The following APC variants were observed in gnomAD, a reference collection of about 807,000 sequenced individuals.
APC encodes the protein APC regulator of Wnt signaling pathway.
A neutral mutation model predicts 247.0 loss-of-function variants in APC; 72 were observed. That is an observed-to-expected ratio of 0.29 (90% CI 0.24 to 0.35). APC has a LOEUF of 0.35. APC is among the 10% of genes least tolerant of loss of function. The probability of loss-of-function intolerance (pLI) is 1.00; values close to 1 mark genes in which losing one functional copy is unlikely to be tolerated. For missense variants in APC, 3,400 were observed against 3,360.7 expected (o/e 1.01, Z -0.29); for synonymous variants, 1,254 against 1,162.5 (o/e 1.08, Z -1.60).
chr5:112,775,513 T>C, intron 4 of APC, 116 bp from the exon 5 acceptor site: 1 of 605,050 alleles, frequency 1.7e-6, no homozygotes, highest in Non-Finnish European at 2.9e-6. Flanking sequence ...TTTGAGTAAT[T>C]CATTATTAGC....
chr5:112,762,100 A>G (rs1294982394), intron 2 of APC, among the ~76,000 whole-genome samples: 1 of 152,224 alleles, frequency 6.6e-6, no homozygotes, highest in Non-Finnish European at 1.5e-5. Context: ...ACTTGAAAAG[A>G]CAATTCAAAA....
chr5:112,751,538 T>C (rs1561439683), intron 1 of APC, among the ~76,000 whole-genome samples: 3 of 151,990 alleles, frequency 2.0e-5, no homozygotes, highest in Admixed American at 1.3e-4. Context: ...TTTGGACTCT[T>C]TTTGTAGTTT....
At chr5:112,757,127 A>G (rs1192014496) in intron 2 of APC, among the ~76,000 whole-genome samples, 2 of 152,196 alleles carry the variant, frequency 1.3e-5, no homozygotes, top group African/African-American at 2.4e-5. Flanking sequence ...ATGTGCTTCA[A>G]CAGACATCTT....
intron 8 of APC, among the ~76,000 whole-genome samples, chr5:112,803,932 C>T (rs2149720583): frequency 6.6e-6 from 1 of 152,194 alleles, no homozygotes; most frequent in East Asian, 1.9e-4. Context: ...GGCTACTCAC[C>T]TCCCATATAT....
chr5:112,749,164 T>C (rs1359544626), intron 1 of APC, among the ~76,000 whole-genome samples: 1 of 152,240 alleles, frequency 6.6e-6, no homozygotes. Flanking sequence ...TTTGTTCTGC[T>C]GTAGTTTCTT....
At chr5:112,739,137 A>C (rs1009463987) in intron 1 of APC, among the ~76,000 whole-genome samples, 2 of 152,178 alleles carry the variant, frequency 1.3e-5, no homozygotes, top group African/African-American at 2.4e-5. Flanking sequence ...TCAGTGTGCA[A>C]ATATTTTAAA....
At chr5:112,830,114 C>T (rs1285287098) in intron 14 of APC, among the ~76,000 whole-genome samples, 1 of 151,944 alleles carries the variant, frequency 6.6e-6, no homozygotes, top group Non-Finnish European at 1.5e-5. Context: ...TTTAGTTATG[C>T]ATTTTTGGTA....
In APC at chr5:112,838,886, T is replaced by C. The variant is rs1445917644; in HGVS notation, c.3292T>C (p.Cys1098Arg). The change falls in exon 16 of 16, where the codon TGT (cysteine) becomes CGT (arginine). Residue 1098 changes from cysteine to arginine, a missense_variant. Physicochemically the swap from Cys to Arg is radical, Grantham distance 180 (BLOSUM62 -3). Coordinates refer to ENST00000257430, the MANE Select transcript of APC (RefSeq NM_000038.6). ...CCAACCACATTTTGGACAGCAGGAA[T>C]GTGTTTCTCCATACAGGTCACGGGG... ...KFQPHFGQQE[C>R]VSPYRSRGAN... The C allele has an allele frequency of 4.3e-6, 7 of 1,614,042 alleles. No homozygotes were observed. In the South Asian group the frequency reaches 7.7e-5, roughly 18 times the overall value.
At position 112,819,074 on chromosome 5, in the gene APC, C is replaced by T. The variant is rs1314843920; in HGVS notation, c.1042C>T (p.Arg348Ter). 3 of 1,614,088 alleles carry T rather than the reference C, an allele frequency of 1.9e-6. No homozygotes were observed. Among genetic ancestry groups the T allele is most frequent in the Non-Finnish European group, 8.5e-7 (1 of 1,180,008 alleles). ...CTCCCAAGACAGCTGTATATCCATG[C>T]GACAGTCTGGATGTCTTCCTCTCCT... ...SSSQDSCISM[R>*]QSGCLPLLIQ... Residue 348 changes from arginine to a stop codon, truncating the protein, a stop_gained, in exon 10 of 16, where the codon CGA (arginine) becomes TGA (stop). Transcript: ENST00000257430. LOFTEE classifies it high-confidence loss of function.
At chr5:112,748,749 G>A (rs1297294886) in intron 1 of APC, among the ~76,000 whole-genome samples, 1 of 152,042 alleles carries the variant, frequency 6.6e-6, no homozygotes, top group Non-Finnish European at 1.5e-5. Context: ...AACCTGGGAG[G>A]TTACAGTGAG....
chr5:112,812,371 C>T (rs1347560673), intron 8 of APC, among the ~76,000 whole-genome samples: 1 of 152,136 alleles, frequency 6.6e-6, no homozygotes, highest in Non-Finnish European at 1.5e-5. Flanking sequence ...TAAAAAAGCC[C>T]CAACTATCCT....
intron 8 of APC, among the ~76,000 whole-genome samples, chr5:112,810,985 A>T (rs1042868627): frequency 2.0e-5 from 3 of 151,912 alleles, no homozygotes; most frequent in Non-Finnish European, 4.4e-5. Flanking sequence ...AGATCACGCC[A>T]CTGCACTCCA....
At chr5:112,804,903 C>T (rs1040579355) in intron 8 of APC, among the ~76,000 whole-genome samples, 1 of 151,912 alleles carries the variant, frequency 6.6e-6, no homozygotes, top group African/African-American at 2.4e-5. Context: ...ATCACTTGAG[C>T]CTGGGAGGTC....
Position 112,844,186 on chromosome 5 carries a change from T to G in APC, c.*60T>G. 2 of 1,466,210 alleles carry G rather than the reference T, an allele frequency of 1.4e-6. No homozygotes were observed. Among genetic ancestry groups the G allele is most frequent in the East Asian group, 2.3e-5 (1 of 42,850 alleles). 90.8% of individuals were successfully genotyped at this position (1,466,210 alleles called of 1,614,324 possible). On this transcript the variant is annotated 3_prime_UTR_variant, in exon 16 of 16. Transcript: ENST00000257430. ...TTAATTACAACTGCTATATAGACAT[T>G]TTGTTTCAAATGAAACTTTAAAAGA...
chr5:112,785,373 C>G (rs1194096037), intron 6 of APC, among the ~76,000 whole-genome samples: 1 of 151,924 alleles, frequency 6.6e-6, no homozygotes, highest in Admixed American at 6.6e-5. Flanking sequence ...GCAATAACTA[C>G]CAGTTAAAGG....
chr5:112,738,451 G>T, intron 1 of APC: 1 of 985,950 alleles, frequency 1.0e-6, no homozygotes. Flanking sequence ...AGAGAAAGAG[G>T]AGGAGGCAGG....
intron 6 of APC, among the ~76,000 whole-genome samples, chr5:112,781,455 G>A (rs1758338457): frequency 6.6e-6 from 1 of 152,104 alleles, no homozygotes; most frequent in Non-Finnish European, 1.5e-5. Context: ...ATTCAAACAA[G>A]TTTATGACTG....
intron 14 of APC, chr5:112,829,751 A>G (rs1485814149): frequency 1.3e-5 from 2 of 152,240 alleles, no homozygotes; most frequent in African/African-American, 4.8e-5. Context: ...GGACAACGTC[A>G]CCACCAATTA....
chr5:112,806,433 T>C (rs1248396779), intron 8 of APC, among the ~76,000 whole-genome samples: 1 of 152,198 alleles, frequency 6.6e-6, no homozygotes. Context: ...CTTGATCTGT[T>C]TTTAATCTCT....
Sources: allele counts gnomAD v4.1 joint callset (sites outside exome capture counted in the v4.1 genomes callset), GRCh38; gene constraint gnomAD v4.1.1; transcripts MANE v1.5; gene names NCBI Gene and HGNC (gene_info 2026-07-23, HGNC 2026-07-21).